The following RSPRY1 variants were observed in gnomAD, a reference collection of about 807,000 sequenced individuals.
The protein encoded by RSPRY1 is ring finger and SPRY domain containing 1.
RSPRY1 carries 23 observed loss-of-function variants against 73.1 expected under a neutral mutation model. That is an observed-to-expected ratio of 0.31 (90% CI 0.23 to 0.45). The LOEUF (loss-of-function observed/expected upper bound fraction) is 0.45. Ranked by LOEUF, RSPRY1 falls within the 20% of genes least tolerant of loss-of-function variation. The pLI is 1.00. For missense variants in RSPRY1, 448 were observed against 698.7 expected, an observed-to-expected ratio of 0.64 and a Z score of 4.05; for synonymous variants, 226 against 251.4, an observed-to-expected ratio of 0.90 and a Z score of 0.95.
chr16:57,188,005 C>T (rs901553728), intron 1 of RSPRY1, among the ~76,000 whole-genome samples: 2 of 152,188 alleles, frequency 1.3e-5, no homozygotes, highest in African/African-American at 2.4e-5. Context: ...TATATATATG[C>T]ATGGCTTTTG....
chr16:57,221,231 A>C (rs368358320), intron 9 of RSPRY1, 41 bp from the exon 10 acceptor site: 62 of 1,607,884 alleles, frequency 3.9e-5, no homozygotes, highest in Non-Finnish European at 4.5e-5. Flanking sequence ...GGTGGTCTTC[A>C]GGCCCTCATA....
At chr16:57,233,152 T>C (rs118086940) in intron 13 of RSPRY1, among the ~76,000 whole-genome samples, 5,711 of 152,314 alleles carry the variant, frequency 0.037, 113 homozygotes, top group Middle Eastern at 0.1. Flanking sequence ...CTGTTACTAC[T>C]AACTGGGATT....
At chr16:57,208,394 A>AT (rs1358520220) in intron 3 of RSPRY1, among the ~76,000 whole-genome samples, 52 of 81,650 alleles carry the variant, frequency 6.4e-4, no homozygotes, top group African/African-American at 1.6e-3. Context: ...ATATATATAT[A>AT]TATATATTTT....
intron 1 of RSPRY1, among the ~76,000 whole-genome samples, chr16:57,199,048 C>G (rs1207501167): frequency 6.6e-6 from 1 of 152,168 alleles, no homozygotes; most frequent in African/African-American, 2.4e-5. Flanking sequence ...GTTTTTATAG[C>G]ATAGTGGTCA....
At chr16:57,235,389 G>T (rs544525824) in intron 14 of RSPRY1, among the ~76,000 whole-genome samples, 161 bp downstream of exon 14, 1 of 152,328 alleles carries the variant, frequency 6.6e-6, no homozygotes, top group East Asian at 1.9e-4. Context: ...AGAAGCAGCT[G>T]CTTGATGTGG....
intron 1 of RSPRY1, among the ~76,000 whole-genome samples, chr16:57,200,957 G>C (rs1316604678): frequency 1.5e-5 from 2 of 135,378 alleles, no homozygotes; most frequent in Non-Finnish European, 3.3e-5. Flanking sequence ...CGGGGGGGGG[G>C]GGGGCTGACC....
At chr16:57,229,225 A>G (rs1444446980) in intron 11 of RSPRY1, among the ~76,000 whole-genome samples, 1 of 152,172 alleles carries the variant, frequency 6.6e-6, no homozygotes, top group Non-Finnish European at 1.5e-5. Context: ...CTCCACCAGC[A>G]TTGAGTGTCC....
At position 57,220,865 on chromosome 16, in the gene RSPRY1, AG is replaced by A; in HGVS notation, c.1017+19del. On this transcript the variant is annotated intron_variant, in intron 9 of 14. Transcript: ENST00000394420. ...GCTTAGAGGTAGGTAATGCTTCTAC[AG>A]TTGGACCCTTTGGGGGATGAGAGGG... is the stretch of plus-strand genomic sequence containing the variant. The A allele has an allele frequency of 6.5e-7, 1 of 1,529,858 alleles. No homozygotes were observed. 94.8% of individuals were successfully genotyped at this position (1,529,858 alleles called of 1,614,324 possible).
At chr16:57,208,009 T>G (rs766216046) in intron 2 of RSPRY1, 49 bp from the exon 3 acceptor site, 2 of 1,140,024 alleles carry the variant, frequency 1.8e-6, no homozygotes, top group Non-Finnish European at 2.6e-6. Flanking sequence ...TATTTGGAAT[T>G]GTCATTTATT....
intron 13 of RSPRY1, among the ~76,000 whole-genome samples, chr16:57,231,751 T>C (rs565506171): frequency 7.0e-6 from 1 of 141,894 alleles, no homozygotes; most frequent in East Asian, 2.0e-4. Context: ...TTAGGAAATC[T>C]AGTACATCTT....
At chr16:57,209,219 C>A in intron 4 of RSPRY1, 32 bp downstream of exon 4, 1 of 1,379,748 alleles carries the variant, frequency 7.2e-7, no homozygotes, top group South Asian at 1.2e-5. Flanking sequence ...ATGAAACTAT[C>A]ATTTGTGCTT....
At chr16:57,218,848 G>T (rs2074986988) in intron 8 of RSPRY1, among the ~76,000 whole-genome samples, 1 of 126,170 alleles carries the variant, frequency 7.9e-6, no homozygotes, top group Non-Finnish European at 1.6e-5. Context: ...CCATTCTCCT[G>T]CCTCAGCCTC....
At chr16:57,211,446 G>A (rs545841234) in intron 4 of RSPRY1, among the ~76,000 whole-genome samples, 1 of 152,060 alleles carries the variant, frequency 6.6e-6, no homozygotes, top group South Asian at 2.1e-4. Flanking sequence ...GCGTGCACCT[G>A]TAATCCCAGC....
chr16:57,226,164 C>T (rs2075117934), intron 10 of RSPRY1, among the ~76,000 whole-genome samples: 1 of 152,214 alleles, frequency 6.6e-6, no homozygotes, highest in African/African-American at 2.4e-5. Context: ...TGAGTGTCCA[C>T]TATAACCTTT....
rs2075360662 is a variant in RSPRY1 at position 57,240,402 on chromosome 16, CTCT to C, written c.*1432_*1434del. On this transcript the variant is annotated 3_prime_UTR_variant, in exon 15 of 15. Transcript: ENST00000394420. ...TAAATATATATGTAGGATACATGTT[CTCT>C]TCTTTAGCTTGTGGTGAATACAGTA... is the stretch of plus-strand genomic sequence containing the variant. 1 of 151,678 alleles carries C rather than the reference CTCT, an allele frequency of 6.6e-6. No homozygotes were observed. The highest frequency in any genetic ancestry group is 2.1e-4 in the South Asian group (1 of 4,828). 9.4% of individuals were successfully genotyped at this position (151,678 alleles called of 1,614,324 possible).
chr16:57,209,385 C>T (rs1188819553), intron 4 of RSPRY1, among the ~76,000 whole-genome samples, 198 bp downstream of exon 4: 1 of 151,814 alleles, frequency 6.6e-6, no homozygotes, highest in Admixed American at 6.6e-5. Flanking sequence ...CTCTTTGAGA[C>T]AAGAGTCTCA....
chr16:57,198,657 C>T (rs1222583839), intron 1 of RSPRY1, among the ~76,000 whole-genome samples: 7 of 152,182 alleles, frequency 4.6e-5, no homozygotes, highest in African/African-American at 1.7e-4. Context: ...CCTGTTCTCT[C>T]CCCTTCAAGG....
chr16:57,197,099 A>G (rs1338048245), intron 1 of RSPRY1, among the ~76,000 whole-genome samples: 1 of 152,216 alleles, frequency 6.6e-6, no homozygotes, highest in Non-Finnish European at 1.5e-5. Flanking sequence ...GTCTTAAAGC[A>G]GTGGTCCTTG....
intron 14 of RSPRY1, among the ~76,000 whole-genome samples, chr16:57,238,322 A>G (rs1405277225): frequency 2.0e-5 from 3 of 152,212 alleles, no homozygotes; most frequent in Admixed American, 6.5e-5. Context: ...TGACATGCTG[A>G]TTTAAAAGTT....
Sources: allele counts gnomAD v4.1 joint callset (sites outside exome capture counted in the v4.1 genomes callset), GRCh38; gene constraint gnomAD v4.1.1; transcripts MANE v1.5; gene names NCBI Gene and HGNC (gene_info 2026-07-23, HGNC 2026-07-21).